Variants in SMCO2 observed in about 807,000 individuals in gnomAD.
SMCO2 encodes the protein single-pass membrane and coiled-coil domain-containing protein 2.
Under a neutral mutation model 29.5 loss-of-function variants are expected in SMCO2, and 25 were observed. The ratio of observed to expected loss-of-function variants is 0.85; its 90% CI spans 0.62 to 1.18. SMCO2 has a LOEUF of 1.18. Ranked by LOEUF, SMCO2 falls within the 50% of genes most tolerant of loss-of-function variation. The pLI, the probability that SMCO2 is intolerant of heterozygous loss-of-function variation, is 0.00. For synonymous variants in SMCO2, 117 were observed against 123.3 expected, an observed-to-expected ratio of 0.95 and a Z score of 0.34; for missense variants, 348 against 344.5, an observed-to-expected ratio of 1.01 and a Z score of -0.08.
chr12:27,444,885 G>A, the SMCO2 span, among the ~76,000 whole-genome samples: 361 of 152,250 alleles, frequency 2.4e-3, no homozygotes, highest in African/African-American at 8.1e-3. Flanking sequence ...ATAGCTGCAC[G>A]CCCGTGTTTA....
the SMCO2 span, among the ~76,000 whole-genome samples, chr12:27,432,990 T>C: frequency 6.6e-6 from 1 of 152,240 alleles, no homozygotes; most frequent in Admixed American, 6.5e-5. Flanking sequence ...ATAGTATTAT[T>C]GAAGCAGTTC....
At chr12:27,490,153 C>T (rs908933389) in intron 5 of SMCO2, among the ~76,000 whole-genome samples, 2 of 152,152 alleles carry the variant, frequency 1.3e-5, no homozygotes, top group African/African-American at 4.8e-5. Flanking sequence ...AGTACACGTA[C>T]GTGATGGAAT....
chr12:27,475,524 C>T, intron 4 of SMCO2, 58 bp from the exon 5 acceptor site: 1 of 1,478,240 alleles, frequency 6.8e-7, no homozygotes, highest in African/African-American at 1.4e-5. Flanking sequence ...GCATTTCAGG[C>T]TATGTGAATT....
chr12:27,445,615 C>T, the SMCO2 span, among the ~76,000 whole-genome samples: 4 of 152,208 alleles, frequency 2.6e-5, no homozygotes, highest in African/African-American at 9.6e-5. Context: ...GCAATTCACT[C>T]AGACCCACAT....
chr12:27,476,036 G>A (rs750536494), intron 4 of SMCO2, among the ~76,000 whole-genome samples: 9 of 152,096 alleles, frequency 5.9e-5, no homozygotes, highest in Non-Finnish European at 5.9e-5. Flanking sequence ...GGCTTTTGAT[G>A]TCTCTGATAA....
At chr12:27,486,953 G>T (rs921932733) in intron 4 of SMCO2, among the ~76,000 whole-genome samples, 4 of 152,008 alleles carry the variant, frequency 2.6e-5, no homozygotes, top group Admixed American at 1.3e-4. Context: ...ATTCATAGGA[G>T]GTTTCAAAAA....
At chr12:27,489,630 C>CAT (rs1949718854) in intron 5 of SMCO2, among the ~76,000 whole-genome samples, 1 of 152,162 alleles carries the variant, frequency 6.6e-6, no homozygotes, top group Non-Finnish European at 1.5e-5. Flanking sequence ...GGACCTCTTA[C>CAT]ATATTAAAAG....
chr12:27,477,634 C>CT (rs3051833), intron 4 of SMCO2, among the ~76,000 whole-genome samples: 19,785 of 109,604 alleles, frequency 0.18, 1,913 homozygotes, highest in Non-Finnish European at 0.22. Context: ...CTTTTTCATT[C>CT]TTTTTTTTTT....
intron 4 of SMCO2, chr12:27,475,723 A>T: frequency 6.5e-7 from 1 of 1,546,044 alleles, no homozygotes; most frequent in Non-Finnish European, 8.7e-7. Flanking sequence ...CAGAAAACAC[A>T]GTGAAGAGGT....
chr12:27,449,737 G>T, the SMCO2 span, among the ~76,000 whole-genome samples: 1 of 152,228 alleles, frequency 6.6e-6, no homozygotes, highest in East Asian at 1.9e-4. Context: ...CTCCCCTCTT[G>T]GTACATTGGA....
chr12:27,428,572 T>A, the SMCO2 span, among the ~76,000 whole-genome samples: 6 of 147,518 alleles, frequency 4.1e-5, no homozygotes, highest in South Asian at 4.3e-4. Context: ...TTTTTTTTTT[T>A]AAAATACTCA....
intron 5 of SMCO2, among the ~76,000 whole-genome samples, chr12:27,490,898 A>G (rs913826586): frequency 1.3e-5 from 2 of 152,198 alleles, no homozygotes; most frequent in African/African-American, 2.4e-5. Context: ...TCAGTGAGCC[A>G]CTGCACTCCA....
chr12:27,471,505 A>G (rs147229924), intron 2 of SMCO2, among the ~76,000 whole-genome samples: 6 of 152,268 alleles, frequency 3.9e-5, no homozygotes, highest in African/African-American at 1.4e-4. Flanking sequence ...ATAGACACAT[A>G]TCACACATTT....
chr12:27,478,748 C>A (rs1045311626), intron 4 of SMCO2, among the ~76,000 whole-genome samples: 2 of 151,932 alleles, frequency 1.3e-5, no homozygotes, highest in African/African-American at 2.4e-5. Flanking sequence ...CAGGGCCCAT[C>A]CTCAGGCCCA....
At chr12:27,465,028 CAAAAAAAAAAAA>C (rs35630976), upstream of SMCO2, among the ~76,000 whole-genome samples, 2 of 60,564 alleles carry the variant, frequency 3.3e-5, no homozygotes, top group East Asian at 4.8e-4. Flanking sequence ...GACCCTGTCT[CAAAAAAAAAAAA>C]AAAAAAAAAA....
the SMCO2 span, among the ~76,000 whole-genome samples, chr12:27,431,140 C>G: frequency 5.3e-5 from 8 of 152,012 alleles, no homozygotes; most frequent in African/African-American, 1.9e-4. Context: ...CTCAGCCTCC[C>G]TAGTAGCTGG....
the SMCO2 span, among the ~76,000 whole-genome samples, chr12:27,457,044 T>C: frequency 6.6e-6 from 1 of 152,122 alleles, no homozygotes; most frequent in African/African-American, 2.4e-5. Flanking sequence ...AAACCATCCC[T>C]CCCACTGTCT....
chr12:27,430,264 T>C, the SMCO2 span, among the ~76,000 whole-genome samples: 1 of 152,190 alleles, frequency 6.6e-6, no homozygotes, highest in African/African-American at 2.4e-5. Flanking sequence ...CTGTTTAAGT[T>C]AATAAACACA....
chr12:27,450,360 G>A, the SMCO2 span, among the ~76,000 whole-genome samples: 1 of 151,484 alleles, frequency 6.6e-6, no homozygotes, highest in African/African-American at 2.4e-5. Flanking sequence ...GACCTCGCCT[G>A]TTTCTTCTGA....
Sources: allele counts gnomAD v4.1 joint callset (sites outside exome capture counted in the v4.1 genomes callset), GRCh38; gene constraint gnomAD v4.1.1; transcripts MANE v1.5; gene names NCBI Gene and HGNC (gene_info 2026-07-23, HGNC 2026-07-21).